The following KAT14 variants were observed in gnomAD, a reference collection of about 807,000 sequenced individuals.
KAT14 encodes the protein lysine acetyltransferase 14.
A neutral mutation model predicts 78.4 loss-of-function variants in KAT14; 66 were observed. The observed-to-expected ratio is 0.84, with a 90% CI of 0.69 to 1.03. KAT14 has a LOEUF of 1.03. Ranked by LOEUF, KAT14 falls within the 50% of genes least tolerant of loss-of-function variation. KAT14 has a pLI of 0.00. For synonymous variants in KAT14, 344 were observed against 359.4 expected (o/e 0.96, Z 0.48); for missense variants, 870 against 972.5 (o/e 0.89, Z 1.40).
At chr20:18,181,215 T>C (rs537552945) in intron 7 of KAT14, among the ~76,000 whole-genome samples, 1 of 152,304 alleles carries the variant, frequency 6.6e-6, no homozygotes, top group East Asian at 1.9e-4. Flanking sequence ...GGGTTTTTTG[T>C]GTCTAGTTTT....
At chr20:18,156,379 A>G (rs773108128) in intron 4 of KAT14, among the ~76,000 whole-genome samples, 6 of 152,248 alleles carry the variant, frequency 3.9e-5, no homozygotes, top group Non-Finnish European at 5.9e-5. Flanking sequence ...AATTGTTCAG[A>G]TAGTAAATGT....
In KAT14 at chr20:18,138,062, C is replaced by G. The variant is rs1363537379; in HGVS notation, c.-454+11C>G. The G allele has an allele frequency of 8.2e-6, 12 of 1,468,038 alleles. No individual in the cohort carries two copies. The highest frequency in any genetic ancestry group is 1.1e-5 in the Non-Finnish European group (12 of 1,115,296). The allele number at this position is 1,468,038 out of a possible 1,614,324, so 90.9% of individuals were successfully genotyped here. The stretch of plus-strand genomic sequence containing the variant: ...CAGTGGGACCAGCAGGTCGGTGTCA[C>G]GTGACCGTCTCTTCCGGGCCCGCGC... On this transcript the variant is annotated intron_variant, in intron 1 of 10. Coordinates refer to ENST00000688188, the MANE Select transcript of KAT14 (RefSeq NM_001392073.1).
rs143342869 is a variant in KAT14, at chr20:18,178,543, G to A, written c.1669-3167G>A. 6.6e-3 allele frequency among the ~76,000 whole-genome samples: 1,006 copies of A among 152,202 alleles called. 13 individuals are homozygous for A. Among genetic ancestry groups the A allele is most frequent in the African/African-American group, 0.023 (952 of 41,534 alleles). On this transcript the variant is annotated intron_variant, in intron 7 of 10. Transcript: ENST00000688188. ...CCACTCTTACATGGTGGTGGCAAGA[G>A]AAAAATGAGAAAGATGCAAAAGTGG...
intron 7 of KAT14, among the ~76,000 whole-genome samples, chr20:18,166,797 G>A (rs559207029): frequency 6.6e-6 from 1 of 152,272 alleles, no homozygotes; most frequent in East Asian, 1.9e-4. Flanking sequence ...AGCTGCATGG[G>A]AAGTAAAATT....
At chr20:18,142,029 AATT>A (rs2037606635) in intron 1 of KAT14, among the ~76,000 whole-genome samples, 176 bp from the exon 2 acceptor site, 2 of 152,270 alleles carry the variant, frequency 1.3e-5, no homozygotes, top group South Asian at 4.1e-4. Flanking sequence ...CACACTACCA[AATT>A]TATTTGATCG....
At position 18,187,446 on chromosome 20, in the gene KAT14, G is replaced by C; in HGVS notation, c.2333G>C (p.Arg778Thr). Residue 778 changes from arginine to threonine, a missense_variant, in exon 11 of 11, where the codon AGG (arginine) becomes ACG (threonine). Physicochemically the swap from Arg to Thr is moderately conservative, Grantham distance 71. Coordinates refer to ENST00000688188, the MANE Select transcript of KAT14 (RefSeq NM_001392073.1). ...STECKHAFFL[R>T]LRR ...GAGTGTAAACACGCATTCTTTCTGA[G>C]GCTCCGGCGCTGATGCGAATACAGC... 1 of 1,614,104 alleles carries C rather than the reference G, an allele frequency of 6.2e-7. No homozygotes were observed. The highest frequency in any genetic ancestry group is 8.5e-7 in the Non-Finnish European group (1 of 1,180,008).
rs1410439928 is a variant in KAT14, at chr20:18,188,017, A to C, written c.*558A>C. On this transcript the variant is annotated 3_prime_UTR_variant, in exon 11 of 11. Coordinates refer to ENST00000688188, the MANE Select transcript of KAT14 (RefSeq NM_001392073.1). Reference sequence around the variant, plus strand: ...ACTTTGGTTACAGTCAGAAAAAATAAACTAGATGTTTGTGTCTACATGTTC... The same window carrying C: ...ACTTTGGTTACAGTCAGAAAAAATACACTAGATGTTTGTGTCTACATGTTC... 1 of 155,584 alleles carries C rather than the reference A, an allele frequency of 6.4e-6. No homozygotes were observed. Among genetic ancestry groups the C allele is most frequent in the Admixed American group, 6.5e-5 (1 of 15,308 alleles). The allele number at this position is 155,584 out of a possible 1,614,324, so 9.6% of individuals were successfully genotyped here.
intron 1 of KAT14, chr20:18,138,537 T>G: frequency 1.2e-6 from 1 of 843,292 alleles, no homozygotes; most frequent in Non-Finnish European, 1.4e-6. Context: ...TTTTACGTGC[T>G]ATTGATTTTA....
intron 1 of KAT14, among the ~76,000 whole-genome samples, chr20:18,141,226 G>A (rs1180360496): frequency 6.6e-6 from 1 of 151,730 alleles, no homozygotes; most frequent in Non-Finnish European, 1.5e-5. Flanking sequence ...ACTATAAAAT[G>A]TTAGTTATTA....
chr20:18,186,682 C>T (rs561077635), intron 10 of KAT14, among the ~76,000 whole-genome samples: 180 of 152,308 alleles, frequency 1.2e-3, no homozygotes, highest in African/African-American at 3.9e-3. Flanking sequence ...TACTCTTTTC[C>T]CCTAAGATTA....
chr20:18,137,872 C>T lies in KAT14; in HGVS notation c.-633C>T, dbSNP rs538856910. 6.0e-6 allele frequency: 8 copies of T among 1,341,362 alleles called. No individual in the cohort carries two copies. In the Admixed American group the frequency reaches 1.0e-4, roughly 17 times the overall value. 83.1% of individuals were successfully genotyped at this position (1,341,362 alleles called of 1,614,324 possible). A position where few individuals can be genotyped will look rare whatever the true frequency, so the allele number is the denominator to read the frequency against. ...CTGCGCTCGAGGGGTCGAGCCTGGGCAGTACAGGCGGCGGTGCGCACTCTG... is the reference window on the plus strand; with the variant it reads ...CTGCGCTCGAGGGGTCGAGCCTGGGTAGTACAGGCGGCGGTGCGCACTCTG... On this transcript the variant is annotated 5_prime_UTR_variant, in exon 1 of 11. Transcript: ENST00000688188.
chr20:18,153,356 G>T (rs2038115425), intron 4 of KAT14, among the ~76,000 whole-genome samples: 1 of 152,078 alleles, frequency 6.6e-6, no homozygotes, highest in Non-Finnish European at 1.5e-5. Flanking sequence ...CACTATAACT[G>T]GTTCTTTCTC....
rs76688348 is a variant in KAT14, at chr20:18,184,557, C to T, written c.1982-45C>T. 3,072 of 1,452,102 alleles carry T rather than the reference C, an allele frequency of 2.1e-3. 69 individuals carry two copies. In the African/African-American group the frequency reaches 0.041, roughly 19 times the overall value. The allele number at this position is 1,452,102 out of a possible 1,614,324, so 90.0% of individuals were successfully genotyped here. On this transcript the variant is annotated intron_variant, in intron 9 of 10. Transcript: ENST00000688188. ...CTGAACAGCTTGGTGTTCCTTAATT[C>T]TCAAAGGCATGTGGTTTGAGTCTCC... is the stretch of plus-strand genomic sequence containing the variant.
chr20:18,143,447 C>G (rs551767511), intron 2 of KAT14, among the ~76,000 whole-genome samples: 7 of 151,188 alleles, frequency 4.6e-5, no homozygotes, highest in African/African-American at 1.7e-4. Flanking sequence ...CTGATTGCCT[C>G]AATCTTGAGA....
At chr20:18,150,657 A>G (rs1036274698) in intron 3 of KAT14, among the ~76,000 whole-genome samples, 164 bp from the exon 4 acceptor site, 3 of 152,204 alleles carry the variant, frequency 2.0e-5, no homozygotes, top group Non-Finnish European at 1.5e-5. Flanking sequence ...TAAAAAAGGA[A>G]GTAAATTCTA....
intron 3 of KAT14, among the ~76,000 whole-genome samples, chr20:18,148,690 A>C (rs1311634581): frequency 6.6e-6 from 1 of 151,630 alleles, no homozygotes; most frequent in Non-Finnish European, 1.5e-5. Flanking sequence ...GCTCACTGCA[A>C]CCTCTGCCTC....
rs544973644 is a variant in KAT14 at position 18,165,089 on chromosome 20, G to A, written c.1668+2144G>A. On this transcript the variant is annotated intron_variant, in intron 7 of 10. Coordinates refer to ENST00000688188, the MANE Select transcript of KAT14 (RefSeq NM_001392073.1). ...CCCATGTATTCATCTCCTGGATAAA[G>A]AGTGTTGTAAACACCTTAGAAGTCT... Among the ~76,000 whole-genome samples, 27 of 152,290 alleles carry A rather than the reference G, an allele frequency of 1.8e-4. No individual in the cohort carries two copies. In the South Asian group the frequency reaches 4.2e-3, roughly 23 times the overall value.
Position 18,184,766 on chromosome 20 carries a change from A to G in KAT14, c.2146A>G (p.Thr716Ala), listed in dbSNP as rs772553872. Residue 716 changes from threonine to alanine, a missense_variant, in exon 10 of 11, where the codon ACT becomes GCT. Physicochemically the swap from Thr to Ala is moderately conservative, Grantham distance 58. Transcript: ENST00000688188. ...TGAATGGAGAAGAGCAGGGATTGCA[A>G]CTTTCATGATCTATCATCTGATTCA... Reference protein sequence around the residue: ...HPEWRRAGIATFMIYHLIQTC... With the variant: ...HPEWRRAGIAAFMIYHLIQTC... The G allele has an allele frequency of 3.1e-6, 5 of 1,608,782 alleles. No homozygotes were observed. In the East Asian group the frequency reaches 6.7e-5, roughly 22 times the overall value.
At chr20:18,156,556 G>A (rs1401903818) in intron 4 of KAT14, among the ~76,000 whole-genome samples, 1 of 152,152 alleles carries the variant, frequency 6.6e-6, no homozygotes, top group Admixed American at 6.5e-5. Context: ...TAATGATGCT[G>A]TAACACAAAC....
Sources: allele counts gnomAD v4.1 joint callset (sites outside exome capture counted in the v4.1 genomes callset), GRCh38; gene constraint gnomAD v4.1.1; transcripts MANE v1.5; gene names NCBI Gene and HGNC (gene_info 2026-07-23, HGNC 2026-07-21).